PCDH7: variants seen among roughly 807,000 people sequenced by gnomAD.
PCDH7 encodes protocadherin-7.
A neutral mutation model predicts 58.9 loss-of-function variants in PCDH7; 17 were observed. The ratio of observed to expected loss-of-function variants is 0.29; its 90% confidence interval spans 0.20 to 0.43. The LOEUF is 0.43. Among genes scored for constraint, PCDH7 ranks in the 20% least tolerant of loss-of-function variants. The probability of loss-of-function intolerance (pLI) is 1.00; values close to 1 mark genes in which losing one functional copy is unlikely to be tolerated. For missense variants in PCDH7, 1,274 were observed against 1,441.0 expected (o/e 0.88, Z 1.88); for synonymous variants, 664 against 616.4 (o/e 1.08, Z -1.14).
chr4:31,066,572 A>T (rs1472489951), intron 3 of PCDH7, among the ~76,000 whole-genome samples: 1 of 151,856 alleles, frequency 6.6e-6, no homozygotes, highest in African/African-American at 2.4e-5. Flanking sequence ...CGTCTCTCAG[A>T]TGCCTTCTAA....
intron 3 of PCDH7, among the ~76,000 whole-genome samples, chr4:31,083,346 A>T (rs1454431885): frequency 2.0e-5 from 3 of 152,094 alleles, no homozygotes; most frequent in Non-Finnish European, 4.4e-5. Context: ...AGAAATCATT[A>T]CTCTTGTGAT....
At chr4:30,896,332 A>C (rs1260671963) in intron 1 of PCDH7, among the ~76,000 whole-genome samples, 1 of 152,098 alleles carries the variant, frequency 6.6e-6, no homozygotes, top group Non-Finnish European at 1.5e-5. Context: ...AAAACAGCTT[A>C]ATTGCTTTTC....
At position 30,727,090 on chromosome 4, in the gene PCDH7, A is replaced by G. The variant is rs535689752; in HGVS notation, c.3174+2494A>G. Among the ~76,000 whole-genome samples, 5 of 152,082 alleles carry G rather than the reference A, an allele frequency of 3.3e-5. No homozygotes were observed. In the South Asian group the frequency reaches 1.0e-3, roughly 32 times the overall value. On this transcript the variant is annotated intron_variant, in intron 1 of 1. Transcript: ENST00000361762. ...TTTCCTTCTTTTGATAAATGGATTTATCTAAGGTAAAACTAGACTGTTGTA... is the reference window on the plus strand; with the variant it reads ...TTTCCTTCTTTTGATAAATGGATTTGTCTAAGGTAAAACTAGACTGTTGTA...
intron 1 of PCDH7, 28 bp from the exon 2 acceptor site, chr4:30,920,125 G>T: frequency 7.4e-7 from 1 of 1,353,332 alleles, no homozygotes; most frequent in Non-Finnish European, 9.9e-7. Flanking sequence ...TTACATCGTA[G>T]TGACATTCAG....
chr4:30,847,747 T>C (rs1732176356), intron 1 of PCDH7, among the ~76,000 whole-genome samples: 2 of 152,150 alleles, frequency 1.3e-5, no homozygotes, highest in African/African-American at 4.8e-5. Flanking sequence ...AGTATGATTT[T>C]TATTTCATTT....
At chr4:31,029,926 A>G (rs144708400) in intron 3 of PCDH7, among the ~76,000 whole-genome samples, 7 of 152,270 alleles carry the variant, frequency 4.6e-5, no homozygotes, top group Non-Finnish European at 8.8e-5. Flanking sequence ...ACTAATGCAG[A>G]AGTAGTTTAG....
chr4:31,146,530 G>C (rs532091093), downstream of PCDH7: 1 of 151,962 alleles, frequency 6.6e-6, no homozygotes, highest in Admixed American at 6.6e-5. Context: ...AAGCACTTGC[G>C]TTCAGTGTGG....
intron 3 of PCDH7, among the ~76,000 whole-genome samples, chr4:31,133,433 A>C (rs1301204790): frequency 6.6e-6 from 1 of 152,232 alleles, no homozygotes; most frequent in Admixed American, 6.5e-5. Context: ...TCAGTGAAAA[A>C]GTAAACATGA....
chr4:30,802,493 T>A (rs149162162), intron 1 of PCDH7, among the ~76,000 whole-genome samples: 1 of 151,966 alleles, frequency 6.6e-6, no homozygotes, highest in East Asian at 1.9e-4. Flanking sequence ...AGAAAGTACA[T>A]GGATGAAACA....
At chr4:30,904,065 A>C (rs1740574740) in intron 1 of PCDH7, among the ~76,000 whole-genome samples, 1 of 152,162 alleles carries the variant, frequency 6.6e-6, no homozygotes, top group Non-Finnish European at 1.5e-5. Flanking sequence ...AATTTCAATG[A>C]TGACTATAGC....
At position 30,959,930 on chromosome 4, in the gene PCDH7, A is replaced by C. The variant is rs1748220483; in HGVS notation, c.*7+9715A>C. Among the ~76,000 whole-genome samples, 2 of 152,172 alleles carry C rather than the reference A, an allele frequency of 1.3e-5. 1 individual carries two copies. The highest frequency in any genetic ancestry group is 4.8e-5 in the African/African-American group (2 of 41,488). Reference sequence around the variant, plus strand: ...AATGAGTAAGCGTCTGGGAGAGCCAAGCACTTACACTGGATTGCCATTTGT... The same window carrying C: ...AATGAGTAAGCGTCTGGGAGAGCCACGCACTTACACTGGATTGCCATTTGT... On this transcript the variant is annotated intron_variant, in intron 3 of 3. Transcript: ENST00000509759.
chr4:31,131,560 A>T (rs182511728), intron 3 of PCDH7, among the ~76,000 whole-genome samples: 1 of 152,156 alleles, frequency 6.6e-6, no homozygotes, highest in Non-Finnish European at 1.5e-5. Context: ...AAAAGCTCCC[A>T]GATCTTCATC....
At chr4:31,083,856 C>G (rs990357760) in intron 3 of PCDH7, among the ~76,000 whole-genome samples, 3 of 152,154 alleles carry the variant, frequency 2.0e-5, no homozygotes, top group Non-Finnish European at 4.4e-5. Flanking sequence ...GTACCACATT[C>G]CTCCCCAGTC....
chr4:30,921,905 A>T (rs1362197878), intron 2 of PCDH7, among the ~76,000 whole-genome samples: 1 of 152,008 alleles, frequency 6.6e-6, no homozygotes, highest in Non-Finnish European at 1.5e-5. Context: ...TGTCAGCTTT[A>T]TTAAAAAAGG....
At chr4:30,864,470 T>C (rs180738056) in intron 1 of PCDH7, among the ~76,000 whole-genome samples, 1,388 of 124,340 alleles carry the variant, frequency 0.011, 20 homozygotes, top group African/African-American at 0.038. Context: ...CACACACACA[T>C]TTTTTGTTGC....
At chr4:31,132,627 A>G (rs936104315) in intron 3 of PCDH7, among the ~76,000 whole-genome samples, 3 of 152,140 alleles carry the variant, frequency 2.0e-5, no homozygotes, top group African/African-American at 7.2e-5. Flanking sequence ...GATACTTACA[A>G]CTGTTTTAGT....
rs775530254 is a variant in PCDH7, at chr4:31,065,585, T to A, written c.*8-76888T>A. Among the ~76,000 whole-genome samples the A allele has an allele frequency of 5.3e-5, 8 of 151,914 alleles. No homozygotes were observed. In the South Asian group the frequency reaches 6.2e-4, roughly 12 times the overall value. Reference sequence around the variant, plus strand: ...TAGAACTTTAAAAAAATAAGTGGCATTAGAGAGAAAATCATGCATATAATA... The same window carrying A: ...TAGAACTTTAAAAAAATAAGTGGCAATAGAGAGAAAATCATGCATATAATA... On this transcript the variant is annotated intron_variant, in intron 3 of 3. Transcript: ENST00000509759.
At chr4:31,142,650 C>G (rs1412595030) in exon 4 of PCDH7, 2 of 1,367,648 alleles carry the variant, frequency 1.5e-6, no homozygotes. Flanking sequence ...GAAAAGCTGG[C>G]CAATGGGGAG....
chr4:30,978,954 T>A (rs1256620424), intron 3 of PCDH7, among the ~76,000 whole-genome samples: 1 of 152,142 alleles, frequency 6.6e-6, no homozygotes, highest in Non-Finnish European at 1.5e-5. Context: ...TAAAAAGTTT[T>A]ATTATTAAAC....
Sources: gnomAD v4.1 joint callset for allele counts (sites outside exome capture counted in the v4.1 genomes callset) on GRCh38, gnomAD v4.1.1 for gene constraint, MANE v1.5 for transcripts, NCBI Gene and HGNC (gene_info 2026-07-23, HGNC 2026-07-21) for gene names.